Variants in ITGA8 observed in about 807,000 individuals in gnomAD.
ITGA8 encodes the protein integrin subunit alpha 8, also known as integrin alpha-8.
ITGA8 carries 91 observed loss-of-function variants against 142.3 expected under a neutral mutation model. That is an observed-to-expected ratio of 0.64 (90% confidence interval 0.54 to 0.76). ITGA8 has a LOEUF of 0.76. Among genes scored for constraint, ITGA8 ranks in the 30% least tolerant of loss-of-function variants. The pLI is 0.00. For missense variants in ITGA8, 1,406 were observed against 1,327.7 expected (o/e 1.06, Z -0.92); for synonymous variants, 505 against 485.2 (o/e 1.04, Z -0.54).
intron 8 of ITGA8, among the ~76,000 whole-genome samples, chr10:15,669,190 C>T (rs534839280): frequency 7.3e-4 from 111 of 152,216 alleles, no homozygotes; most frequent in African/African-American, 2.6e-3. Context: ...TCACATAGTC[C>T]CATATTTCTT....
intron 15 of ITGA8, among the ~76,000 whole-genome samples, chr10:15,611,964 G>T (rs1833305342): frequency 6.6e-6 from 1 of 152,150 alleles, no homozygotes; most frequent in Non-Finnish European, 1.5e-5. Context: ...CTGTTATGAA[G>T]GTGTGAACAT....
At chr10:15,704,189 C>G (rs780021540) in intron 2 of ITGA8, among the ~76,000 whole-genome samples, 1 of 152,182 alleles carries the variant, frequency 6.6e-6, no homozygotes, top group Non-Finnish European at 1.5e-5. Context: ...GTTGCCACTT[C>G]CCTAGTTATG....
chr10:15,578,211 T>C (rs886764928), intron 23 of ITGA8, among the ~76,000 whole-genome samples: 5 of 152,282 alleles, frequency 3.3e-5, no homozygotes, highest in Admixed American at 1.3e-4. Context: ...TGGCAACCAC[T>C]AATCTGTTCC....
chr10:15,711,849 C>T (rs1308630415), intron 2 of ITGA8, among the ~76,000 whole-genome samples: 1 of 152,138 alleles, frequency 6.6e-6, no homozygotes, highest in Non-Finnish European at 1.5e-5. Context: ...ATTTGCAGAC[C>T]TTCAGGCCAA....
At chr10:15,599,177 A>G (rs1299627152) in intron 20 of ITGA8, among the ~76,000 whole-genome samples, 1 of 151,926 alleles carries the variant, frequency 6.6e-6, no homozygotes, top group Non-Finnish European at 1.5e-5. Context: ...TCACTCAAAG[A>G]GTTTTTTCTC....
intron 20 of ITGA8, 100 bp from the exon 21 acceptor site, chr10:15,597,399 C>T (rs940570902): frequency 1.2e-6 from 1 of 858,400 alleles, no homozygotes; most frequent in Non-Finnish European, 2.0e-6. Flanking sequence ...ATCTCAAACA[C>T]CCAGGAGGGC....
chr10:15,704,545 T>C (rs1366309811), intron 2 of ITGA8, among the ~76,000 whole-genome samples: 2 of 152,204 alleles, frequency 1.3e-5, no homozygotes, highest in Non-Finnish European at 2.9e-5. Flanking sequence ...TTTCATACTT[T>C]CTTTCACCTC....
intron 26 of ITGA8, among the ~76,000 whole-genome samples, chr10:15,551,342 AT>A: frequency 2.6e-5 from 4 of 152,130 alleles, no homozygotes; most frequent in Admixed American, 2.6e-4. Context: ...TTAGATGAGA[AT>A]TTCTAAGAAG....
At chr10:15,610,859 C>T (rs929760193) in intron 15 of ITGA8, among the ~76,000 whole-genome samples, 1 of 152,180 alleles carries the variant, frequency 6.6e-6, no homozygotes, top group African/African-American at 2.4e-5. Context: ...TGGGTCGTTA[C>T]TCACTTTTAC....
At chr10:15,595,029 C>T (rs935382917) in intron 21 of ITGA8, among the ~76,000 whole-genome samples, 1 of 151,952 alleles carries the variant, frequency 6.6e-6, no homozygotes, top group African/African-American at 2.4e-5. Flanking sequence ...TCTTATTGAC[C>T]CCACCGTTTA....
At chr10:15,598,097 A>G (rs976926824) in intron 20 of ITGA8, among the ~76,000 whole-genome samples, 27 of 151,886 alleles carry the variant, frequency 1.8e-4, no homozygotes, top group African/African-American at 6.3e-4. Context: ...CGCAAACCCT[A>G]TGGTCCCACT....
chr10:15,696,137 G>A (rs1009079593), intron 2 of ITGA8, among the ~76,000 whole-genome samples: 5 of 152,214 alleles, frequency 3.3e-5, no homozygotes, highest in Non-Finnish European at 5.9e-5. Context: ...GGAAGGCATC[G>A]GGTTACCCCG....
intron 8 of ITGA8, among the ~76,000 whole-genome samples, chr10:15,671,126 A>G (rs1240796096): frequency 1.3e-5 from 2 of 152,228 alleles, no homozygotes; most frequent in Non-Finnish European, 2.9e-5. Flanking sequence ...ACAGGACAGA[A>G]GGGATATACA....
chr10:15,521,547 A>T (rs1204747577), intron 28 of ITGA8, among the ~76,000 whole-genome samples: 1 of 152,210 alleles, frequency 6.6e-6, no homozygotes, highest in African/African-American at 2.4e-5. Flanking sequence ...TAACAGGAAC[A>T]TGCCAAGGAT....
chr10:15,616,382 C>A lies in ITGA8; in HGVS notation c.1445+132G>T, dbSNP rs927020023. ...AAAGAAAGAGTGAGAGCAAAAAATACCTCTAGACTTTAAAAAGAGCATCTA... is the reference window on the plus strand; with the variant it reads ...AAAGAAAGAGTGAGAGCAAAAAATAACTCTAGACTTTAAAAAGAGCATCTA... On this transcript the variant is annotated intron_variant, in intron 14 of 29. Coordinates refer to ENST00000378076, the MANE Select transcript of ITGA8 (RefSeq NM_003638.3). 8 of 741,298 alleles carry A rather than the reference C, an allele frequency of 1.1e-5. No homozygotes were observed. In the Admixed American group the frequency reaches 1.7e-4, roughly 16 times the overall value. The allele number at this position is 741,298 out of a possible 1,614,324, so 45.9% of individuals were successfully genotyped here. A position where few individuals can be genotyped will look rare whatever the true frequency, so the allele number is the denominator to read the frequency against.
intron 2 of ITGA8, among the ~76,000 whole-genome samples, chr10:15,696,615 T>G (rs1835056993): frequency 6.6e-6 from 1 of 152,154 alleles, no homozygotes; most frequent in Non-Finnish European, 1.5e-5. Context: ...AATTTCATGC[T>G]GAAGTTTGGA....
rs1015763293 is a variant in ITGA8, at chr10:15,523,069, A to C, written c.2983-3657T>G. ...TCCTGCCTACTATTTTATGTTAAAC[A>C]GAAAAGAGTTCAAGTTTTATAAGTT... On this transcript the variant is annotated intron_variant, in intron 28 of 29. Transcript: ENST00000378076. 2.6e-5 allele frequency among the ~76,000 whole-genome samples: 4 copies of C among 152,330 alleles called. No homozygotes were observed. In the East Asian group the frequency reaches 7.7e-4, roughly 29 times the overall value.
At chr10:15,549,199 C>CTTTTTTTTTTTTTTTTTTTTT (rs1564346419) in intron 26 of ITGA8, among the ~76,000 whole-genome samples, 1 of 48,848 alleles carries the variant, frequency 2.0e-5, no homozygotes, top group African/African-American at 8.7e-5. Context: ...CTTTTCTTTT[C>CTTTTTTTTTTTTTTTTTTTTT]TGTTTTTTTT....
chr10:15,702,394 G>GAT (rs1159058167), intron 2 of ITGA8, among the ~76,000 whole-genome samples: 2 of 151,694 alleles, frequency 1.3e-5, no homozygotes, highest in African/African-American at 4.8e-5. Context: ...GGATTCAAGC[G>GAT]ATTCTCCTGC....
Sources: allele counts gnomAD v4.1 joint callset (sites outside exome capture counted in the v4.1 genomes callset), GRCh38; gene constraint gnomAD v4.1.1; transcripts MANE v1.5; gene names NCBI Gene and HGNC (gene_info 2026-07-23, HGNC 2026-07-21).